Variants in QTMAN observed in about 807,000 individuals in gnomAD.
QTMAN encodes queuosine-tRNA mannosyltransferase.
the QTMAN span, among the ~76,000 whole-genome samples, chr2:144,186,156 C>T: frequency 6.6e-6 from 1 of 152,200 alleles, no homozygotes; most frequent in African/African-American, 2.4e-5. Flanking sequence ...GTTTCTCCTT[C>T]TGCCTTCATC....
the QTMAN span, among the ~76,000 whole-genome samples, chr2:144,307,858 T>C: frequency 6.6e-6 from 1 of 151,926 alleles, no homozygotes; most frequent in Non-Finnish European, 1.5e-5. Context: ...AGGTATACTA[T>C]ATTCATGGTT....
At chr2:144,236,620 A>G in the QTMAN span, among the ~76,000 whole-genome samples, 2 of 152,170 alleles carry the variant, frequency 1.3e-5, no homozygotes, top group African/African-American at 2.4e-5. Flanking sequence ...ACAGTAACTC[A>G]TCCAAAAAGG....
At chr2:144,275,182 A>C in the QTMAN span, among the ~76,000 whole-genome samples, 1 of 152,154 alleles carries the variant, frequency 6.6e-6, no homozygotes, top group Non-Finnish European at 1.5e-5. Flanking sequence ...CCAGAGATTG[A>C]GACCATCCTG....
At chr2:143,971,579 G>GT in the QTMAN span, among the ~76,000 whole-genome samples, 8 of 151,728 alleles carry the variant, frequency 5.3e-5, no homozygotes, top group East Asian at 3.9e-4. Flanking sequence ...AATGAAATGA[G>GT]TTTTTTTTAA....
At chr2:144,278,265 A>G in the QTMAN span, among the ~76,000 whole-genome samples, 17 of 152,156 alleles carry the variant, frequency 1.1e-4, no homozygotes, top group Non-Finnish European at 2.1e-4. Flanking sequence ...TTACACCTTA[A>G]TAAATCCCCT....
chr2:144,232,673 T>G, the QTMAN span, among the ~76,000 whole-genome samples: 1 of 152,178 alleles, frequency 6.6e-6, no homozygotes, highest in Non-Finnish European at 1.5e-5. Flanking sequence ...GCAAAACTAA[T>G]TTTTAAAATA....
At chr2:144,049,713 AG>A in the QTMAN span, among the ~76,000 whole-genome samples, 4 of 152,156 alleles carry the variant, frequency 2.6e-5, no homozygotes, top group Non-Finnish European at 5.9e-5. Context: ...CTTTTTTGTT[AG>A]GCTGAAGAAT....
chr2:143,975,293 A>G, the QTMAN span, among the ~76,000 whole-genome samples: 1 of 152,170 alleles, frequency 6.6e-6, no homozygotes, highest in Non-Finnish European at 1.5e-5. Context: ...TAAGATCTCC[A>G]TACTTGTCAC....
the QTMAN span, among the ~76,000 whole-genome samples, chr2:144,099,969 T>G: frequency 6.6e-6 from 1 of 152,286 alleles, no homozygotes; most frequent in South Asian, 2.1e-4. Context: ...CCCTTCAGAG[T>G]TGCTTATATC....
the QTMAN span, among the ~76,000 whole-genome samples, chr2:143,986,039 A>G: frequency 6.6e-6 from 1 of 152,160 alleles, no homozygotes. Context: ...TCATCTGCTA[A>G]TTGGGTTCTC....
chr2:144,020,022 T>C, the QTMAN span, among the ~76,000 whole-genome samples: 16 of 152,206 alleles, frequency 1.1e-4, no homozygotes, highest in Non-Finnish European at 2.1e-4. Context: ...CTCTCTGATA[T>C]GAATGGACAG....
chr2:144,145,740 C>G, the QTMAN span: 1 of 1,605,758 alleles, frequency 6.2e-7, no homozygotes, highest in Admixed American at 1.7e-5. Flanking sequence ...AAAGAGGGTC[C>G]TAGGAAACAA....
the QTMAN span, among the ~76,000 whole-genome samples, chr2:144,061,948 C>T: frequency 1.3e-5 from 2 of 152,206 alleles, no homozygotes; most frequent in Middle Eastern, 3.4e-3. Flanking sequence ...AGATTATCTT[C>T]CCACCCCATC....
chr2:144,107,270 A>G, the QTMAN span, among the ~76,000 whole-genome samples: 1 of 152,210 alleles, frequency 6.6e-6, no homozygotes, highest in African/African-American at 2.4e-5. Flanking sequence ...GCAGAACTGA[A>G]GGAAATAGAG....
At chr2:143,941,231 G>A in the QTMAN span, 1 of 152,180 alleles carries the variant, frequency 6.6e-6, no homozygotes. Flanking sequence ...AAAAATAAGT[G>A]ATTCTCAGGA....
the QTMAN span, among the ~76,000 whole-genome samples, chr2:144,301,432 T>C: frequency 6.6e-6 from 1 of 152,162 alleles, no homozygotes; most frequent in Non-Finnish European, 1.5e-5. Flanking sequence ...CTAGTTGGCC[T>C]GGCTGGTCTC....
At chr2:144,015,006 G>C in the QTMAN span, among the ~76,000 whole-genome samples, 1 of 152,080 alleles carries the variant, frequency 6.6e-6, no homozygotes, top group Non-Finnish European at 1.5e-5. Flanking sequence ...AAAGTGTTTA[G>C]ATTGTATACA....
chr2:144,039,364 T>C, the QTMAN span, among the ~76,000 whole-genome samples: 1 of 152,168 alleles, frequency 6.6e-6, no homozygotes, highest in South Asian at 2.1e-4. Context: ...AACACTGCTC[T>C]AGGAAACTTA....
chr2:144,169,258 G>A, the QTMAN span, among the ~76,000 whole-genome samples: 2 of 152,138 alleles, frequency 1.3e-5, no homozygotes, highest in East Asian at 1.9e-4. Flanking sequence ...AGCCATGGTT[G>A]AGAGGCATAG....
Sources: allele counts gnomAD v4.1 joint callset (sites outside exome capture counted in the v4.1 genomes callset), GRCh38; gene constraint gnomAD v4.1.1; transcripts MANE v1.5; gene names NCBI Gene and HGNC (gene_info 2026-07-23, HGNC 2026-07-21).